DMKN: variants seen among roughly 807,000 people sequenced by gnomAD.
DMKN encodes the protein dermokine.
A neutral mutation model predicts 67.6 loss-of-function variants in DMKN; 58 were observed. The observed-to-expected ratio is 0.86, with a 90% CI of 0.69 to 1.07. DMKN has a LOEUF of 1.07. DMKN is among the 50% of genes least tolerant of loss of function. The pLI, the probability that DMKN is intolerant of heterozygous loss-of-function variation, is 0.00. For missense variants in DMKN, 596 were observed against 601.5 expected (o/e 0.99, Z 0.10); for synonymous variants, 240 against 232.3 (o/e 1.03, Z -0.30).
chr19:35,500,521 A>T lies in DMKN; in HGVS notation c.1287+12T>A, dbSNP rs770385057. 1.2e-6 allele frequency: 2 copies of T among 1,609,340 alleles called. No homozygotes were observed. The highest frequency in any genetic ancestry group is 1.7e-6 in the Non-Finnish European group (2 of 1,177,770). The stretch of plus-strand genomic sequence containing the variant: ...AAGGGCCCTGCAGGGTAACTTGAGG[A>T]CAGAGACTCACCTGATCGTCTCTGC... On this transcript the variant is annotated intron_variant, in intron 12 of 15. Transcript: ENST00000339686.
At chr19:35,498,844 G>A in intron 14 of DMKN, 30 bp downstream of exon 14, 1 of 1,614,140 alleles carries the variant, frequency 6.2e-7, no homozygotes, top group Non-Finnish European at 8.5e-7. Flanking sequence ...TCTCTCTCCA[G>A]CCAGATGAAG....
chr19:35,509,475 C>G (rs567062007), intron 7 of DMKN: 2 of 156,992 alleles, frequency 1.3e-5, no homozygotes, highest in African/African-American at 4.8e-5. Context: ...GTTAGAGCAA[C>G]CTGCACTTTC....
chr19:35,505,697 A>G (rs1339676620), intron 9 of DMKN, 21 bp downstream of exon 9: 1 of 1,614,160 alleles, frequency 6.2e-7, no homozygotes, highest in Non-Finnish European at 8.5e-7. Flanking sequence ...GCCCTCTCCG[A>G]CGAAGATGTC....
At position 35,512,767 on chromosome 19, in the gene DMKN, G is replaced by T; in HGVS notation, c.450C>A (p.Ile150=). The stretch of plus-strand genomic sequence containing the variant: ...CTCCAAGGCCACCTTGAGAGCCAAA[G>T]ATGCCATGGCCTCCAGAAGTTTCCT... ...GAWETSGGHG[I]FGSQGGLGGQ... Residue 150 remains isoleucine, a synonymous_variant, in exon 2 of 16, where the codon ATC becomes ATA. Coordinates refer to ENST00000339686, the MANE Select transcript of DMKN (RefSeq NM_033317.5). 6.2e-7 allele frequency: 1 copy of T among 1,613,824 alleles called. No homozygotes were observed. The highest frequency in any genetic ancestry group is 1.3e-5 in the African/African-American group (1 of 75,054).
At position 35,513,339 on chromosome 19, in the gene DMKN, G is replaced by T. The variant is rs1259949596; in HGVS notation, c.137C>A (p.Ala46Asp). ...GEALGHGLGDALSEGVGKAIG... is the reference protein window; with the variant it reads ...GEALGHGLGDDLSEGVGKAIG... ...GGCCTTTCCCACCCCTTCGCTCAGG[G>T]CGTCTCCCAGGCCATGTCCAAGGGC... Residue 46 changes from alanine to aspartate, a missense_variant, in exon 1 of 16, where the codon GCC (alanine) becomes GAC (aspartate). By Grantham distance (126) the Ala-to-Asp change is moderately radical (BLOSUM62 -2). Coordinates refer to ENST00000339686, the MANE Select transcript of DMKN (RefSeq NM_033317.5). 1.2e-6 allele frequency: 2 copies of T among 1,614,050 alleles called. No homozygotes were observed. The highest frequency in any genetic ancestry group is 2.7e-5 in the African/African-American group (2 of 75,044).
intron 15 of DMKN, chr19:35,497,938 C>CCTCTTTCTCTCTCTCT (rs1385741371): frequency 7.0e-6 from 1 of 143,412 alleles, no homozygotes; most frequent in South Asian, 2.2e-4. Flanking sequence ...GCTTTCTTTC[C>CCTCTTTCTCTCTCTCT]CTCTTTCTCT....
chr19:35,500,273 C>T (rs2068132565), intron 12 of DMKN: 1 of 1,463,776 alleles, frequency 6.8e-7, no homozygotes, highest in South Asian at 1.3e-5. Flanking sequence ...CTCCTGCCCT[C>T]AAGACCTCTG....
At chr19:35,502,717 G>T in intron 10 of DMKN, 113 bp downstream of exon 10, 13 of 1,059,924 alleles carry the variant, frequency 1.2e-5, no homozygotes, top group Non-Finnish European at 1.7e-5. Flanking sequence ...AAAAAAAAAG[G>T]GGGGGAGTTT....
intron 5 of DMKN, among the ~76,000 whole-genome samples, chr19:35,510,703 C>T (rs1568631144): frequency 6.6e-6 from 1 of 152,218 alleles, no homozygotes; most frequent in African/African-American, 2.4e-5. Flanking sequence ...GGTTATTCGG[C>T]TTATTGTGTC....
At chr19:35,501,928 G>C (rs200143599) in intron 11 of DMKN, 20 of 1,561,270 alleles carry the variant, frequency 1.3e-5, no homozygotes, top group Non-Finnish European at 1.7e-5. Flanking sequence ...CCCAGCCCTC[G>C]GCCTCGGCTT....
At chr19:35,508,157 C>A (rs1048071874) in intron 7 of DMKN, 6 of 1,550,908 alleles carry the variant, frequency 3.9e-6, no homozygotes, top group Non-Finnish European at 5.2e-6. Flanking sequence ...ACCTCTACCC[C>A]ACTTACTACC....
At chr19:35,505,826 G>A (rs1958672238) in intron 8 of DMKN, 61 bp from the exon 9 acceptor site, 1 of 1,613,588 alleles carries the variant, frequency 6.2e-7, no homozygotes, top group South Asian at 1.1e-5. Context: ...GGCCGAGAGA[G>A]GTCAAGGGCC....
chr19:35,499,203 C>T (rs1221734474), intron 13 of DMKN: 9 of 442,828 alleles, frequency 2.0e-5, no homozygotes, highest in African/African-American at 8.1e-5. Context: ...ACAGATAACC[C>T]GGCAGAGTGG....
At chr19:35,505,877 G>A (rs1599931093) in intron 8 of DMKN, 62 bp downstream of exon 8, 2 of 1,613,906 alleles carry the variant, frequency 1.2e-6, no homozygotes, top group Non-Finnish European at 1.7e-6. Flanking sequence ...CCAGACTGTG[G>A]GGCCAAGGGC....
In DMKN at chr19:35,513,119, A is replaced by T; in HGVS notation, c.357T>A (p.Asp119Glu). ...CAGCATCTGCTCCGTGTCGAATGAC[A>T]TCTTCTGCCTGTCTGCCAATCTCGT... ...TGHEIGRQAE[D>E]VIRHGADAVR... is the part of the protein sequence containing the mutation. Residue 119 changes from aspartate to glutamate, a missense_variant, in exon 1 of 16, where the codon GAT becomes GAA. Transcript: ENST00000339686. 6.2e-7 allele frequency: 1 copy of T among 1,614,110 alleles called. No individual in the cohort carries two copies. The highest frequency in any genetic ancestry group is 8.5e-7 in the Non-Finnish European group (1 of 1,180,020).
intron 9 of DMKN, chr19:35,503,354 A>G: frequency 6.5e-7 from 1 of 1,546,642 alleles, no homozygotes; most frequent in South Asian, 1.2e-5. Flanking sequence ...ATTAGTGATG[A>G]GAGGGTGGTG....
At chr19:35,503,681 G>A (rs1331959649) in intron 9 of DMKN, among the ~76,000 whole-genome samples, 3 of 151,992 alleles carry the variant, frequency 2.0e-5, no homozygotes, top group African/African-American at 7.3e-5. Flanking sequence ...TCACCACATT[G>A]GCCAGGCTGG....
intron 4 of DMKN, 81 bp from the exon 5 acceptor site, chr19:35,511,674 G>A (rs189545227): frequency 1.9e-6 from 3 of 1,592,510 alleles, no homozygotes; most frequent in Admixed American, 1.7e-5. Flanking sequence ...CTCCACCCAG[G>A]CCATATTCCA....
rs138474934 is a variant in DMKN, at chr19:35,505,281, G to A, written c.1134+437C>T. 9.9e-5 allele frequency among the ~76,000 whole-genome samples: 15 copies of A among 152,236 alleles called. No individual in the cohort carries two copies. The East Asian group carries it at 1.5e-3, about 16-fold the overall frequency. On this transcript the variant is annotated intron_variant, in intron 9 of 15. Coordinates refer to ENST00000339686, the MANE Select transcript of DMKN (RefSeq NM_033317.5). ...GCCCCAGCTGTGTTTTTGTTTGTGC[G>A]GGAGAGACTAATGCCTGTCACCCCT...
Sources: allele counts gnomAD v4.1 joint callset (sites outside exome capture counted in the v4.1 genomes callset), GRCh38; gene constraint gnomAD v4.1.1; transcripts MANE v1.5; gene names NCBI Gene and HGNC (gene_info 2026-07-23, HGNC 2026-07-21).